The following DCUN1D3 variants were observed in gnomAD, a reference collection of about 807,000 sequenced individuals.
DCUN1D3 encodes defective in cullin neddylation 1 domain containing 3, also known as DCN1-like protein 3.
A neutral mutation model predicts 24.8 loss-of-function variants in DCUN1D3; 6 were observed. The ratio of observed to expected loss-of-function variants is 0.24; its 90% CI spans 0.13 to 0.48. The LOEUF (loss-of-function observed/expected upper bound fraction) is 0.48, where lower values mean the gene tolerates loss of function less well. DCUN1D3 is among the 20% of genes least tolerant of loss of function. The pLI, the probability that DCUN1D3 is intolerant of heterozygous loss-of-function variation, is 0.99. For missense variants in DCUN1D3, 258 were observed against 379.4 expected, an observed-to-expected ratio of 0.68 and a Z score of 2.66; for synonymous variants, 120 against 144.9, an observed-to-expected ratio of 0.83 and a Z score of 1.24.
chr16:20,865,632 A>G (rs1298711047), intron 1 of DCUN1D3, among the ~76,000 whole-genome samples: 1 of 152,206 alleles, frequency 6.6e-6, no homozygotes, highest in Non-Finnish European at 1.5e-5. Context: ...AACGTCAGTC[A>G]CCCGGGCCTC....
rs1239548481 is a variant in DCUN1D3, at chr16:20,856,939, GT to G, written c.*2946del. Reference sequence around the variant, plus strand: ...CTGCCCCTCTCCACATCACCCTGATGTTCTGTTGCTAAGCAAGGAGTGTACT... The same window carrying G: ...CTGCCCCTCTCCACATCACCCTGATGTCTGTTGCTAAGCAAGGAGTGTACT... On this transcript the variant is annotated 3_prime_UTR_variant, in exon 3 of 3. Coordinates refer to ENST00000324344, the MANE Select transcript of DCUN1D3 (RefSeq NM_173475.4). 1 of 152,206 alleles carries G rather than the reference GT, an allele frequency of 6.6e-6. No individual in the cohort carries two copies. Among genetic ancestry groups the G allele is most frequent in the Non-Finnish European group, 1.5e-5 (1 of 68,036 alleles). The allele number at this position is 152,206 out of a possible 1,614,324, so 9.4% of individuals were successfully genotyped here. A position where few individuals can be genotyped will look rare whatever the true frequency, so the allele number is the denominator to read the frequency against.
At position 20,860,921 on chromosome 16, in the gene DCUN1D3, C is replaced by G. The variant is rs1441916369; in HGVS notation, c.432-552G>C. Among the ~76,000 whole-genome samples the G allele has an allele frequency of 6.6e-6, 1 of 152,118 alleles. No individual in the cohort carries two copies. The highest frequency in any genetic ancestry group is 1.5e-5 in the Non-Finnish European group (1 of 68,038). ...TATGTATTTTTAACATCTATACAAC[C>G]CTTTCAGCTTACAGCATGGTCTCGC... On this transcript the variant is annotated intron_variant, in intron 2 of 2. Transcript: ENST00000324344. The surrounding 1 kb of genome is among the most constrained non-coding windows in gnomAD (Gnocchi z 4.3).
intron 1 of DCUN1D3, among the ~76,000 whole-genome samples, chr16:20,867,941 T>C (rs1278114908): frequency 6.6e-6 from 1 of 152,248 alleles, no homozygotes; most frequent in Non-Finnish European, 1.5e-5. Flanking sequence ...TTCCTTGTGA[T>C]TGATCCTGAA....
At position 20,860,983 on chromosome 16, in the gene DCUN1D3, A is replaced by G. The variant is rs2081729311; in HGVS notation, c.432-614T>C. On this transcript the variant is annotated intron_variant, in intron 2 of 2. Coordinates refer to ENST00000324344, the MANE Select transcript of DCUN1D3 (RefSeq NM_173475.4). This position sits in a 1 kb window ranked among gnomAD's most constrained non-coding sequence, Gnocchi z 4.3. ...TCTCAGGGACTGTAGTATCTGCTGA[A>G]GAGGTGAGGCCTCTGAGGTCTGGAG... Among the ~76,000 whole-genome samples the G allele has an allele frequency of 6.6e-6, 1 of 152,230 alleles. No homozygotes were observed. The highest frequency in any genetic ancestry group is 1.5e-5 in the Non-Finnish European group (1 of 68,044).
chr16:20,872,405 A>G (rs1262321081), intron 1 of DCUN1D3, among the ~76,000 whole-genome samples: 1 of 152,146 alleles, frequency 6.6e-6, no homozygotes, highest in Non-Finnish European at 1.5e-5. Context: ...TCGGGAGCCA[A>G]AGGCCTCTAA....
intron 1 of DCUN1D3, among the ~76,000 whole-genome samples, chr16:20,897,000 C>T (rs1054465951): frequency 1.3e-5 from 2 of 152,192 alleles, no homozygotes; most frequent in African/African-American, 4.8e-5. Context: ...ACAGGTGCCA[C>T]GAGAATACTA....
In DCUN1D3 at chr16:20,890,532, G is replaced by A. The variant is rs548410800; in HGVS notation, c.-106+9672C>T. Among the ~76,000 whole-genome samples, 8 of 152,242 alleles carry A rather than the reference G, an allele frequency of 5.3e-5. 1 individual carries two copies. The South Asian group carries it at 1.7e-3, about 32-fold the overall frequency. ...TGGTCCTAGCTACTTGGGAGGCTGAGGTGGGGAGATCACTTGAGCCCCAGA... is the reference window on the plus strand; with the variant it reads ...TGGTCCTAGCTACTTGGGAGGCTGAAGTGGGGAGATCACTTGAGCCCCAGA... On this transcript the variant is annotated intron_variant, in intron 1 of 2. Transcript: ENST00000324344.
intron 1 of DCUN1D3, among the ~76,000 whole-genome samples, chr16:20,889,442 G>A (rs1045318959): frequency 3.3e-5 from 5 of 151,982 alleles, no homozygotes; most frequent in Non-Finnish European, 4.4e-5. Context: ...CTTGCATTAG[G>A]GAAGTCTAGA....
chr16:20,885,028 T>A (rs2081862194), intron 1 of DCUN1D3, among the ~76,000 whole-genome samples: 1 of 146,406 alleles, frequency 6.8e-6, no homozygotes. Context: ...CAGGCTGGAG[T>A]ACAATGGCAC....
chr16:20,862,250 G>A lies in DCUN1D3; in HGVS notation c.289C>T (p.Arg97Cys), dbSNP rs768236347. The A allele has an allele frequency of 1.6e-5, 26 of 1,614,082 alleles. No individual in the cohort carries two copies. The highest frequency in any genetic ancestry group is 1.6e-4 in the Middle Eastern group (1 of 6,084). Residue 97 changes from arginine to cysteine, a missense_variant, in exon 2 of 3, where the codon CGC becomes TGC. By Grantham distance (180) the Arg-to-Cys change is radical. Coordinates refer to ENST00000324344, the MANE Select transcript of DCUN1D3 (RefSeq NM_173475.4). ...SLQRLEELFR[R>C]YKDEREDAIL... ...GCATCTTCCCGCTCATCCTTGTAGC[G>A]CCTGAACAGTTCTTCCAATCTTTGC...
At chr16:20,893,612 C>T (rs1035823146) in intron 1 of DCUN1D3, among the ~76,000 whole-genome samples, 2 of 152,160 alleles carry the variant, frequency 1.3e-5, no homozygotes, top group African/African-American at 4.8e-5. Context: ...TAACTTTTCA[C>T]AGACTGAAGT....
At chr16:20,875,371 T>C (rs1353393934) in intron 1 of DCUN1D3, among the ~76,000 whole-genome samples, 1 of 152,192 alleles carries the variant, frequency 6.6e-6, no homozygotes, top group African/African-American at 2.4e-5. Flanking sequence ...AAAAACCAGT[T>C]GCACAGATAT....
In DCUN1D3 at chr16:20,860,375, A is replaced by T. The variant is rs766445392; in HGVS notation, c.432-6T>A. 6 of 1,607,188 alleles carry T rather than the reference A, an allele frequency of 3.7e-6. No homozygotes were observed. The Admixed American group carries it at 5.1e-5, about 14-fold the overall frequency. ...AGCCATCAAAAAACTCCTTCCTGCA[A>T]CAGAAAGGAAAAGGACAATTAATCA... On this transcript the variant is annotated splice_polypyrimidine_tract_variant and splice_region_variant and intron_variant, in intron 2 of 2. Transcript: ENST00000324344. The surrounding 1 kb of genome is among the most constrained non-coding windows in gnomAD (Gnocchi z 4.3).
chr16:20,872,625 C>T (rs996619436), intron 1 of DCUN1D3, among the ~76,000 whole-genome samples: 1 of 152,152 alleles, frequency 6.6e-6, no homozygotes, highest in African/African-American at 2.4e-5. Flanking sequence ...TCAACCACAT[C>T]AGTAACCTGG....
chr16:20,893,467 C>T (rs1050542941), intron 1 of DCUN1D3, among the ~76,000 whole-genome samples: 8 of 152,226 alleles, frequency 5.3e-5, no homozygotes, highest in Non-Finnish European at 1.2e-4. Context: ...AGTGCATTAC[C>T]ATGCCTGGCC....
rs61506075 is a variant in DCUN1D3 at position 20,859,540 on chromosome 16, C to CAAAAAAAAAAAAAAAAAAAAAAAAAAA, written c.*345_*346insTTTTTTTTTTTTTTTTTTTTTTTTTTT. Reference sequence around the variant, plus strand: ...CGCCCTGCTCTATGCCCTCCCCTACCAAAAAAAAAAAAAAAAAAACAAAAA... The same window carrying CAAAAAAAAAAAAAAAAAAAAAAAAAAA: ...CGCCCTGCTCTATGCCCTCCCCTACCAAAAAAAAAAAAAAAAAAAAAAAAAAAAAAAAAAAAAAAAAAAAAACAAAAA... On this transcript the variant is annotated 3_prime_UTR_variant, in exon 3 of 3. Transcript: ENST00000324344. The CAAAAAAAAAAAAAAAAAAAAAAAAAAA allele has an allele frequency of 7.0e-5, 5 of 71,478 alleles. No homozygotes were observed. The highest frequency in any genetic ancestry group is 3.8e-4 in the South Asian group (1 of 2,662). 4.4% of individuals were successfully genotyped at this position (71,478 alleles called of 1,614,324 possible). A position where few individuals can be genotyped will look rare whatever the true frequency, so the allele number is the denominator to read the frequency against.
chr16:20,874,439 T>C (rs946589349), intron 1 of DCUN1D3, among the ~76,000 whole-genome samples: 3 of 152,240 alleles, frequency 2.0e-5, no homozygotes, highest in African/African-American at 7.2e-5. Flanking sequence ...CTTTATTCTA[T>C]TGTGTACATA....
intron 1 of DCUN1D3, among the ~76,000 whole-genome samples, chr16:20,890,999 A>AT (rs1239295562): frequency 5.6e-4 from 81 of 145,602 alleles, no homozygotes; most frequent in East Asian, 2.0e-3. Flanking sequence ...GTAAAAAATG[A>AT]TTTTTTTTTT....
Position 20,862,647 on chromosome 16 carries a change from G to A in DCUN1D3, c.-105-4C>T, listed in dbSNP as rs1165453075. The stretch of plus-strand genomic sequence containing the variant: ...TCAGCCAGAGGAGCCAGCCAACCTG[G>A]AAGGAAATTAGAAAGCCATCACCTC... On this transcript the variant is annotated splice_polypyrimidine_tract_variant and splice_region_variant and intron_variant, in intron 1 of 2. Coordinates refer to ENST00000324344, the MANE Select transcript of DCUN1D3 (RefSeq NM_173475.4). 2.6e-6 allele frequency: 4 copies of A among 1,515,098 alleles called. No individual in the cohort carries two copies. The highest frequency in any genetic ancestry group is 4.4e-5 in the Admixed American group (2 of 45,574). 93.9% of individuals were successfully genotyped at this position (1,515,098 alleles called of 1,614,324 possible).
Sources: gnomAD v4.1 joint callset for allele counts (sites outside exome capture counted in the v4.1 genomes callset) on GRCh38, gnomAD v4.1.1 for gene constraint, Gnocchi (gnomAD v3.1) non-coding constraint, MANE v1.5 for transcripts, NCBI Gene and HGNC (gene_info 2026-07-23, HGNC 2026-07-21) for gene names.